The following TMEM163 variants were observed in gnomAD, a reference collection of about 807,000 sequenced individuals.
TMEM163 encodes the protein transmembrane protein 163.
Under a neutral mutation model 29.3 loss-of-function variants are expected in TMEM163, and 17 were observed. The observed-to-expected ratio is 0.58, with a 90% CI of 0.40 to 0.87. TMEM163 has a LOEUF of 0.87. TMEM163 is among the 40% of genes least tolerant of loss of function. TMEM163 has a pLI of 0.00. For synonymous variants in TMEM163, 157 were observed against 160.6 expected, an observed-to-expected ratio of 0.98 and a Z score of 0.17; for missense variants, 303 against 381.5, an observed-to-expected ratio of 0.79 and a Z score of 1.71.
At chr2:134,519,316 C>T (rs887243164) in intron 4 of TMEM163, among the ~76,000 whole-genome samples, 3 of 152,326 alleles carry the variant, frequency 2.0e-5, no homozygotes, top group South Asian at 2.1e-4. Flanking sequence ...AAACCTTCTA[C>T]AGCTCCATAC....
intron 2 of TMEM163, among the ~76,000 whole-genome samples, chr2:134,624,442 C>A (rs116029562): frequency 0.036 from 5,497 of 152,146 alleles, 138 homozygotes; most frequent in Non-Finnish European, 0.053. Flanking sequence ...GGGAACGACA[C>A]ACACTGGGAT....
intron 5 of TMEM163, among the ~76,000 whole-genome samples, chr2:134,481,394 T>C (rs1000961062): frequency 5.3e-5 from 8 of 151,840 alleles, no homozygotes; most frequent in Non-Finnish European, 1.2e-4. Context: ...GGGGGGAGCT[T>C]TTCCTGTGCT....
chr2:134,519,230 A>G (rs1451025217), intron 4 of TMEM163, among the ~76,000 whole-genome samples: 1 of 152,216 alleles, frequency 6.6e-6, no homozygotes, highest in Non-Finnish European at 1.5e-5. Context: ...CCAAAAAGCA[A>G]GACTTCCCTC....
chr2:134,497,969 T>TG (rs1340003249), intron 5 of TMEM163, among the ~76,000 whole-genome samples: 1 of 152,206 alleles, frequency 6.6e-6, no homozygotes, highest in Non-Finnish European at 1.5e-5. Context: ...GGCCACTATT[T>TG]GGGGCAACCT....
At chr2:134,656,490 G>A (rs1358953649) in intron 2 of TMEM163, among the ~76,000 whole-genome samples, 1 of 152,288 alleles carries the variant, frequency 6.6e-6, no homozygotes, top group East Asian at 1.9e-4. Context: ...AGATGGAAAT[G>A]CAGAAATCAC....
At chr2:134,668,991 C>A (rs1176367819) in intron 2 of TMEM163, among the ~76,000 whole-genome samples, 1 of 152,030 alleles carries the variant, frequency 6.6e-6, no homozygotes, top group Non-Finnish European at 1.5e-5. Flanking sequence ...TGAAAGAGAC[C>A]ACCGCCAAGG....
intron 2 of TMEM163, among the ~76,000 whole-genome samples, chr2:134,576,369 A>T (rs1681555872): frequency 6.6e-6 from 1 of 152,198 alleles, no homozygotes; most frequent in Non-Finnish European, 1.5e-5. Flanking sequence ...AGGGCCTGGT[A>T]TGGCCACACC....
intron 2 of TMEM163, among the ~76,000 whole-genome samples, chr2:134,667,693 T>G (rs1683898603): frequency 6.6e-6 from 1 of 152,244 alleles, no homozygotes; most frequent in Non-Finnish European, 1.5e-5. Flanking sequence ...AAAGAAAAGC[T>G]TAAACTATGT....
At chr2:134,693,478 A>C (rs1402070824) in intron 2 of TMEM163, among the ~76,000 whole-genome samples, 1 of 151,976 alleles carries the variant, frequency 6.6e-6, no homozygotes, top group East Asian at 1.9e-4. Context: ...GCATGGAAGC[A>C]TGTGCCTGTA....
intron 2 of TMEM163, among the ~76,000 whole-genome samples, chr2:134,574,040 A>G (rs1558950119): frequency 1.3e-5 from 2 of 152,204 alleles, no homozygotes; most frequent in South Asian, 4.1e-4. Context: ...TTATGTTTCT[A>G]AGAATTTACA....
chr2:134,621,878 G>A (rs982574621), intron 2 of TMEM163, among the ~76,000 whole-genome samples: 2 of 151,814 alleles, frequency 1.3e-5, no homozygotes, highest in Non-Finnish European at 2.9e-5. Flanking sequence ...GCGACAGAGT[G>A]AGACTCCATC....
In TMEM163 at chr2:134,634,354, A is replaced by G. The variant is rs1683056421; in HGVS notation, c.322+78846T>C. On this transcript the variant is annotated intron_variant, in intron 2 of 7. Transcript: ENST00000281924. ...GCTGCTCTGTGCCTCATTTCTGTCA[A>G]TAAAATGAGGATAATTCCATTCTCT... 2.0e-5 allele frequency among the ~76,000 whole-genome samples: 3 copies of G among 152,122 alleles called. No individual in the cohort carries two copies. The South Asian group carries it at 6.2e-4, about 32-fold the overall frequency.
At chr2:134,535,725 T>TTTTG (rs369742498) in intron 4 of TMEM163, among the ~76,000 whole-genome samples, 5 of 145,904 alleles carry the variant, frequency 3.4e-5, no homozygotes, top group Admixed American at 2.0e-4. Flanking sequence ...TGGTTTTTTT[T>TTTTG]TTTGTTTGTT....
intron 2 of TMEM163, among the ~76,000 whole-genome samples, chr2:134,585,516 G>A (rs955494569): frequency 6.6e-6 from 1 of 152,210 alleles, no homozygotes; most frequent in East Asian, 1.9e-4. Flanking sequence ...GCCGAGGCGG[G>A]CAGATTACGA....
At chr2:134,513,079 T>C (rs1289783978) in intron 4 of TMEM163, among the ~76,000 whole-genome samples, 1 of 152,220 alleles carries the variant, frequency 6.6e-6, no homozygotes, top group Non-Finnish European at 1.5e-5. Flanking sequence ...TTTTGGTCTG[T>C]TCAGGGATAT....
intron 2 of TMEM163, among the ~76,000 whole-genome samples, chr2:134,604,091 G>GT (rs1305135777): frequency 1.3e-4 from 20 of 151,994 alleles, no homozygotes; most frequent in African/African-American, 4.8e-4. Flanking sequence ...TAGCTCCAAC[G>GT]TAACTCCTTT....
At chr2:134,632,970 G>C (rs949229044) in intron 2 of TMEM163, among the ~76,000 whole-genome samples, 2 of 150,226 alleles carry the variant, frequency 1.3e-5, no homozygotes, top group African/African-American at 4.9e-5. Context: ...ATGTTAGCCG[G>C]GATGGTCTCG....
intron 5 of TMEM163, among the ~76,000 whole-genome samples, chr2:134,472,809 A>G (rs185671777): frequency 6.5e-4 from 99 of 152,390 alleles, no homozygotes; most frequent in African/African-American, 2.3e-3. Flanking sequence ...TAAATGTAAT[A>G]TTAATGTAGA....
At chr2:134,558,352 G>A (rs1009740463) in intron 2 of TMEM163, among the ~76,000 whole-genome samples, 14 of 152,162 alleles carry the variant, frequency 9.2e-5, no homozygotes, top group Admixed American at 3.3e-4. Context: ...TTTCATTTAC[G>A]TGTCAAAGGG....
Sources: allele counts gnomAD v4.1 joint callset (sites outside exome capture counted in the v4.1 genomes callset), GRCh38; gene constraint gnomAD v4.1.1; transcripts MANE v1.5; gene names NCBI Gene and HGNC (gene_info 2026-07-23, HGNC 2026-07-21).